The following FRMPD1 variants were observed in gnomAD, a reference collection of about 807,000 sequenced individuals.
FRMPD1 encodes FERM and PDZ domain containing 1.
Under a neutral mutation model 117.8 loss-of-function variants are expected in FRMPD1, and 76 were observed. The observed-to-expected ratio is 0.65, with a 90% CI of 0.54 to 0.78. The LOEUF (loss-of-function observed/expected upper bound fraction) is 0.78, where lower values mean the gene tolerates loss of function less well. Ranked by LOEUF, FRMPD1 falls within the 30% of genes least tolerant of loss-of-function variation. The probability of loss-of-function intolerance (pLI) is 0.00; values close to 1 mark genes in which losing one functional copy is unlikely to be tolerated. For missense variants in FRMPD1, 1,786 were observed against 1,964.5 expected (o/e 0.91, Z 1.72); for synonymous variants, 783 against 770.4 (o/e 1.02, Z -0.27).
the FRMPD1 span, among the ~76,000 whole-genome samples, chr9:37,618,796 T>C: frequency 1.3e-5 from 2 of 152,330 alleles, no homozygotes; most frequent in East Asian, 3.9e-4. Flanking sequence ...GGTCTCTGAC[T>C]AGAGAAATCT....
chr9:37,680,252 A>G (rs939284421), intron 1 of FRMPD1, among the ~76,000 whole-genome samples: 1 of 152,204 alleles, frequency 6.6e-6, no homozygotes, highest in African/African-American at 2.4e-5. Context: ...CAGATGGGAA[A>G]TGTGAGGGGC....
chr9:37,738,818 A>G (rs1033731751), intron 14 of FRMPD1, among the ~76,000 whole-genome samples: 1 of 152,148 alleles, frequency 6.6e-6, no homozygotes, highest in African/African-American at 2.4e-5. Context: ...CTTGAAGAAC[A>G]TGCTGGAGTT....
chr9:37,724,849 C>T (rs1040713838), intron 7 of FRMPD1, among the ~76,000 whole-genome samples: 1 of 152,068 alleles, frequency 6.6e-6, no homozygotes, highest in Admixed American at 6.6e-5. Flanking sequence ...GGACGGTGGA[C>T]GTTCAGGGAA....
At chr9:37,604,922 A>G in the FRMPD1 span, among the ~76,000 whole-genome samples, 15 of 152,228 alleles carry the variant, frequency 9.9e-5, no homozygotes, top group African/African-American at 3.6e-4. Context: ...TAAATCATTG[A>G]ATATAATTCT....
intron 5 of FRMPD1, among the ~76,000 whole-genome samples, chr9:37,714,576 G>GTTTATTTTATTTTATTTTAT (rs879932382): frequency 3.5e-5 from 5 of 144,642 alleles, no homozygotes; most frequent in African/African-American, 1.3e-4. Flanking sequence ...CTCCGAAGAA[G>GTTTATTTTATTTTATTTTAT]TTTATTTTAT....
chr9:37,680,166 G>T (rs917789410), intron 1 of FRMPD1, among the ~76,000 whole-genome samples: 3 of 152,094 alleles, frequency 2.0e-5, no homozygotes, highest in Non-Finnish European at 4.4e-5. Flanking sequence ...AGCTCTCGAA[G>T]GGCCATGCAG....
chr9:37,745,693 G>A lies in FRMPD1; in HGVS notation c.3661G>A (p.Val1221Ile), dbSNP rs200892375. The change falls in exon 16 of 16, where the codon GTC becomes ATC. Residue 1221 changes from valine (V) to isoleucine (I), a missense_variant. Transcript: ENST00000377765. Reference protein sequence around the residue: ...FLGKQTVSPAVPPEGIKAEAP... With the variant: ...FLGKQTVSPAIPPEGIKAEAP... ...TGGGAAGCAGACAGTTTCACCAGCC[G>A]TCCCTCCAGAGGGGATCAAGGCAGA... The A allele has an allele frequency of 6.4e-5, 103 of 1,613,998 alleles. 1 individual carries two copies. In the Middle Eastern group the frequency reaches 8.2e-4, roughly 13 times the overall value.
At chr9:37,712,041 A>G (rs1439795696) in intron 5 of FRMPD1, among the ~76,000 whole-genome samples, 3 of 152,232 alleles carry the variant, frequency 2.0e-5, no homozygotes, top group African/African-American at 7.2e-5. Context: ...AGTACTTCTT[A>G]GCCTTGGCCA....
intron 12 of FRMPD1, among the ~76,000 whole-genome samples, chr9:37,734,070 A>G (rs1482822537): frequency 6.6e-6 from 1 of 152,212 alleles, no homozygotes; most frequent in Non-Finnish European, 1.5e-5. Context: ...GGATGAAACA[A>G]GCTACCCAAC....
Position 37,707,443 on chromosome 9 carries a change from C to T in FRMPD1, c.129C>T (p.Pro43=), listed in dbSNP as rs139243880. The T allele has an allele frequency of 3.1e-4, 495 of 1,613,944 alleles. No individual in the cohort carries two copies. The highest frequency in any genetic ancestry group is 3.7e-4 in the Non-Finnish European group (439 of 1,179,918). ...ARAKVAAADG[P]ARNPTQTLIP... ...CTAAAGTTGCTGCAGCTGATGGGCCCGCCAGGAACCCAACTCAGACCCTCA... is the reference window on the plus strand; with the variant it reads ...CTAAAGTTGCTGCAGCTGATGGGCCTGCCAGGAACCCAACTCAGACCCTCA... The change falls in exon 3 of 16, where the codon CCC becomes CCT. Residue 43 remains proline, a synonymous_variant. Transcript: ENST00000377765.
intron 1 of FRMPD1, among the ~76,000 whole-genome samples, chr9:37,652,750 C>T (rs1301145616): frequency 6.6e-6 from 1 of 152,184 alleles, no homozygotes. Context: ...TTTCTCACTA[C>T]TCATTCGAGA....
At chr9:37,709,814 A>G (rs1245154512) in intron 4 of FRMPD1, among the ~76,000 whole-genome samples, 1 of 152,174 alleles carries the variant, frequency 6.6e-6, no homozygotes, top group African/African-American at 2.4e-5. Context: ...GAAAAGTTCT[A>G]GGAAGTGAAG....
intron 4 of FRMPD1, 149 bp from the exon 5 acceptor site, chr9:37,711,201 G>GC: frequency 1.6e-6 from 1 of 628,102 alleles, no homozygotes; most frequent in Non-Finnish European, 2.9e-6. Context: ...GTTTTGCTGA[G>GC]CCAAAAAAGC....
At chr9:37,714,578 T>G (rs982194279) in intron 5 of FRMPD1, among the ~76,000 whole-genome samples, 3 of 41,780 alleles carry the variant, frequency 7.2e-5, no homozygotes, top group Non-Finnish European at 1.4e-4. Context: ...CCGAAGAAGT[T>G]TATTTTATTT....
At chr9:37,655,997 C>T (rs1563919863) in intron 1 of FRMPD1, among the ~76,000 whole-genome samples, 1 of 152,180 alleles carries the variant, frequency 6.6e-6, no homozygotes, top group Non-Finnish European at 1.5e-5. Flanking sequence ...TACTTGGTAC[C>T]TCTCATGGAG....
At chr9:37,616,784 T>C in the FRMPD1 span, among the ~76,000 whole-genome samples, 2 of 152,088 alleles carry the variant, frequency 1.3e-5, no homozygotes, top group African/African-American at 4.8e-5. Flanking sequence ...AACAACAGGA[T>C]TAGACAGACC....
At chr9:37,721,540 T>C (rs1343193981) in intron 6 of FRMPD1, among the ~76,000 whole-genome samples, 2 of 152,230 alleles carry the variant, frequency 1.3e-5, no homozygotes, top group African/African-American at 4.8e-5. Flanking sequence ...AAAGTAATTA[T>C]AGTCATGCAC....
At chr9:37,702,435 C>T (rs1193781000) in intron 2 of FRMPD1, among the ~76,000 whole-genome samples, 1 of 152,138 alleles carries the variant, frequency 6.6e-6, no homozygotes, top group Non-Finnish European at 1.5e-5. Context: ...GGTTTGGATG[C>T]TCGGGGCCAT....
At chr9:37,689,515 G>A (rs1382510040) in intron 1 of FRMPD1, among the ~76,000 whole-genome samples, 1 of 152,020 alleles carries the variant, frequency 6.6e-6, no homozygotes, top group Non-Finnish European at 1.5e-5. Flanking sequence ...TAAGACCTCT[G>A]TCTTCATGCA....
Sources: gnomAD v4.1 joint callset for allele counts (sites outside exome capture counted in the v4.1 genomes callset) on GRCh38, gnomAD v4.1.1 for gene constraint, MANE v1.5 for transcripts, NCBI Gene and HGNC (gene_info 2026-07-23, HGNC 2026-07-21) for gene names.